The following KLC1 variants were observed in gnomAD, a reference collection of about 807,000 sequenced individuals.
The protein encoded by KLC1 is kinesin light chain 1, also known as kinesin 2 60/70kDa.
In KLC1, 30 loss-of-function variants were observed where a neutral mutation model predicts 84.2. That is an observed-to-expected ratio of 0.36 (90% confidence interval 0.27 to 0.48). The LOEUF is 0.48. Among genes scored for constraint, KLC1 ranks in the 20% least tolerant of loss-of-function variants. The pLI, the probability that KLC1 is intolerant of heterozygous loss-of-function variation, is 0.99. For synonymous variants in KLC1, 289 were observed against 293.3 expected (o/e 0.99, Z 0.15); for missense variants, 499 against 805.4 (o/e 0.62, Z 4.60).
Position 103,693,917 on chromosome 14 carries a change from T to G in KLC1, c.1848+1492T>G. 7.9e-7 allele frequency: 1 copy of G among 1,263,818 alleles called. No individual in the cohort carries two copies. Among genetic ancestry groups the G allele is most frequent in the Non-Finnish European group, 1.0e-6 (1 of 1,002,626 alleles). 78.3% of individuals were successfully genotyped at this position (1,263,818 alleles called of 1,614,324 possible). A position where few individuals can be genotyped will look rare whatever the true frequency, so the allele number is the denominator to read the frequency against. On this transcript the variant is annotated intron_variant, in intron 15 of 16. Transcript: ENST00000334553. The surrounding 1 kb of genome is among the most constrained non-coding windows in gnomAD (Gnocchi z 5.1). ...CAGCACGCTGGGGATTGGCTCCTGC[T>G]CACGGATGCTGTTGCATTTCCTGCC...
Position 103,701,499 on chromosome 14 carries a change from C to T in KLC1, c.*300C>T, listed in dbSNP as rs981197769. The T allele has an allele frequency of 6.5e-5, 26 of 397,890 alleles. No homozygotes were observed. The highest frequency in any genetic ancestry group is 6.3e-5 in the Non-Finnish European group (14 of 223,022). 24.6% of individuals were successfully genotyped at this position (397,890 alleles called of 1,614,324 possible). A position where few individuals can be genotyped will look rare whatever the true frequency, so the allele number is the denominator to read the frequency against. On this transcript the variant is annotated 3_prime_UTR_variant, in exon 17 of 17. Transcript: ENST00000334553. Reference sequence around the variant, plus strand: ...AACTTCCTCACGTTGTGTGCGATAACGTATTTTATTGTACATTTTTTTAAA... The same window carrying T: ...AACTTCCTCACGTTGTGTGCGATAATGTATTTTATTGTACATTTTTTTAAA...
chr14:103,640,883 G>A (rs1263012723), intron 1 of KLC1, among the ~76,000 whole-genome samples: 1 of 151,902 alleles, frequency 6.6e-6, no homozygotes, highest in African/African-American at 2.4e-5. Flanking sequence ...ATACATTTGT[G>A]ACAACCAAGG....
At chr14:103,696,192 C>T in intron 15 of KLC1, 1 of 981,930 alleles carries the variant, frequency 1.0e-6, no homozygotes, top group Non-Finnish European at 1.2e-6. Context: ...GACAGCATAT[C>T]TCTGGGTAGT....
intron 2 of KLC1, 83 bp from the exon 3 acceptor site, chr14:103,657,463 C>T: frequency 9.7e-7 from 1 of 1,030,538 alleles, no homozygotes; most frequent in Non-Finnish European, 1.5e-6. Context: ...AGCTACAGCC[C>T]CAGCCACAGA....
chr14:103,683,638 G>A (rs1479101976), intron 13 of KLC1: 1 of 152,156 alleles, frequency 6.6e-6, no homozygotes, highest in Non-Finnish European at 1.5e-5. Context: ...GACACACAGA[G>A]CCACATCACA....
intron 1 of KLC1, among the ~76,000 whole-genome samples, chr14:103,653,687 T>A (rs1372004805): frequency 6.6e-6 from 1 of 152,200 alleles, no homozygotes; most frequent in Non-Finnish European, 1.5e-5. Context: ...TCGTGAGATT[T>A]TAGACAGTGG....
At position 103,657,763 on chromosome 14, in the gene KLC1, A is replaced by C. The variant is rs750421106; in HGVS notation, c.479A>C (p.Asp160Ala). The C allele has an allele frequency of 6.2e-7, 1 of 1,613,120 alleles. No homozygotes were observed. Among genetic ancestry groups the C allele is most frequent in the Non-Finnish European group, 8.5e-7 (1 of 1,179,322 alleles). Residue 160 changes from aspartate to alanine, a missense_variant, in exon 3 of 17, where the codon GAC (aspartate) becomes GCC (alanine). By Grantham distance (126) the Asp-to-Ala change is moderately radical (BLOSUM62 -2). Around this residue, in one of 3 missense-constraint regions of KLC1, gnomAD observed 179 missense variants for 264.2 expected, o/e 0.68. Coordinates refer to ENST00000334553, the MANE Select transcript of KLC1 (RefSeq NM_001394837.1). ...AATCAGCTAAAAAAATATGATGACG[A>C]CATTTCCCCATCCGTGAGTGGCTCT... ...FMNQLKKYDD[D>A]ISPSEDKDTD...
In KLC1 at chr14:103,701,113, G is replaced by T. The variant is rs2083162250; in HGVS notation, c.*2-88G>T. The T allele has an allele frequency of 2.7e-6, 4 of 1,486,348 alleles. No homozygotes were observed. The Admixed American group carries it at 5.9e-5, about 22-fold the overall frequency. 92.1% of individuals were successfully genotyped at this position (1,486,348 alleles called of 1,614,324 possible). On this transcript the variant is annotated intron_variant, in intron 16 of 16. Transcript: ENST00000334553. ...TTCTCTAGGCAGACTTGGGGTGGGG[G>T]TTCCCCAGAGAGCTGTTTCCAGAAC...
intron 4 of KLC1, 58 bp downstream of exon 4, chr14:103,662,252 G>T: frequency 7.4e-7 from 1 of 1,357,896 alleles, no homozygotes; most frequent in South Asian, 1.2e-5. Context: ...GTTCCTCCTA[G>T]AACACGGTCA....
intron 1 of KLC1, among the ~76,000 whole-genome samples, chr14:103,640,897 C>A (rs1234426032): frequency 6.6e-6 from 1 of 151,868 alleles, no homozygotes; most frequent in South Asian, 2.1e-4. Flanking sequence ...ACCAAGGAAC[C>A]AACATTGGTA....
intron 1 of KLC1, among the ~76,000 whole-genome samples, chr14:103,631,026 A>C (rs2076634821): frequency 6.6e-6 from 1 of 152,048 alleles, no homozygotes; most frequent in Non-Finnish European, 1.5e-5. Flanking sequence ...CACTGGGGAG[A>C]GGCACACAGT....
At chr14:103,681,249 A>G (rs369516398) in intron 13 of KLC1, among the ~76,000 whole-genome samples, 28 of 152,232 alleles carry the variant, frequency 1.8e-4, no homozygotes, top group African/African-American at 6.5e-4. Context: ...GTTTTAAATT[A>G]TCCAGTGCAG....
chr14:103,678,518 C>T (rs961686785), intron 12 of KLC1, among the ~76,000 whole-genome samples: 1 of 151,758 alleles, frequency 6.6e-6, no homozygotes, highest in Non-Finnish European at 1.5e-5. Flanking sequence ...TACTTTGTCT[C>T]TACAAAAGTT....
At chr14:103,696,023 C>T (rs2082445969) in intron 15 of KLC1, 10 of 984,770 alleles carry the variant, frequency 1.0e-5, no homozygotes, top group South Asian at 9.4e-5. Flanking sequence ...TGTGGTCGTT[C>T]TGGTGAGAGG....
chr14:103,638,784 C>T (rs2077249505), intron 1 of KLC1, among the ~76,000 whole-genome samples: 1 of 149,176 alleles, frequency 6.7e-6, no homozygotes, highest in Non-Finnish European at 1.5e-5. Flanking sequence ...TATGTATGAA[C>T]ACAGTGGGGG....
intron 13 of KLC1, chr14:103,685,782 C>A: frequency 8.0e-7 from 1 of 1,247,520 alleles, no homozygotes; most frequent in South Asian, 1.3e-5. Flanking sequence ...ACTGGCCATT[C>A]CTTTCGGTGC....
At position 103,632,833 on chromosome 14, in the gene KLC1, A is replaced by G. The variant is rs553608149; in HGVS notation, c.-2+3339A>G. ...GGCTGTGGAGTGCACTGAGGAGGCG[A>G]TTCTTCACAAAAGAAAAGTACCAAT... On this transcript the variant is annotated intron_variant, in intron 1 of 16. Transcript: ENST00000334553. Among the ~76,000 whole-genome samples, 270 of 152,214 alleles carry G rather than the reference A, an allele frequency of 1.8e-3. 2 individuals carry two copies. Among genetic ancestry groups the G allele is most frequent in the Middle Eastern group, 0.017 (5 of 294 alleles).
At chr14:103,631,846 G>A (rs993844234) in intron 1 of KLC1, among the ~76,000 whole-genome samples, 12 of 151,492 alleles carry the variant, frequency 7.9e-5, no homozygotes, top group Non-Finnish European at 1.3e-4. Context: ...CGATCCACCC[G>A]CCTCAGCCTC....
chr14:103,697,425 G>T (rs79320199), intron 15 of KLC1, among the ~76,000 whole-genome samples: 1 of 152,166 alleles, frequency 6.6e-6, no homozygotes, highest in African/African-American at 2.4e-5. Flanking sequence ...CACATAAGGT[G>T]GGGGGTGACA....
Sources: gnomAD v4.1 joint callset for allele counts (sites outside exome capture counted in the v4.1 genomes callset) on GRCh38, gnomAD v4.1.1 for gene constraint, gnomAD v4.1.1 regional missense constraint, Gnocchi (gnomAD v3.1) non-coding constraint, MANE v1.5 for transcripts, NCBI Gene and HGNC (gene_info 2026-07-23, HGNC 2026-07-21) for gene names.